The following PCDH15 variants were observed in gnomAD, a reference collection of about 807,000 sequenced individuals.
PCDH15 encodes protocadherin-15.
In PCDH15, 129 loss-of-function variants were observed where a neutral mutation model predicts 178.5. The observed-to-expected ratio is 0.72, with a 90% CI of 0.63 to 0.84. PCDH15 has a LOEUF of 0.84. PCDH15 is among the 40% of genes least tolerant of loss of function. The probability of loss-of-function intolerance (pLI) is 0.00; values close to 1 mark genes in which losing one functional copy is unlikely to be tolerated. For synonymous variants in PCDH15, 800 were observed against 732.0 expected, an observed-to-expected ratio of 1.09 and a Z score of -1.50; for missense variants, 2,230 against 2,099.9, an observed-to-expected ratio of 1.06 and a Z score of -1.21.
intron 21 of PCDH15, among the ~76,000 whole-genome samples, chr10:53,984,509 C>A (rs898041861): frequency 2.6e-5 from 4 of 152,040 alleles, no homozygotes; most frequent in Admixed American, 2.6e-4. Flanking sequence ...GGCTTGGAAC[C>A]ATGACAGTTT....
intron 2 of PCDH15, among the ~76,000 whole-genome samples, chr10:54,637,768 G>T (rs1045217690): frequency 1.3e-5 from 2 of 151,952 alleles, no homozygotes; most frequent in African/African-American, 4.8e-5. Flanking sequence ...TTATTATTCT[G>T]TTTATCCCAA....
chr10:55,422,563 A>T (rs1838649154), intron 2 of PCDH15, among the ~76,000 whole-genome samples: 2 of 151,896 alleles, frequency 1.3e-5, no homozygotes, highest in African/African-American at 4.8e-5. Context: ...AACATGTCTC[A>T]TAACTAATTT....
intron 2 of PCDH15, among the ~76,000 whole-genome samples, chr10:55,143,201 C>T (rs1384351558): frequency 3.0e-4 from 4 of 13,140 alleles, no homozygotes; most frequent in Non-Finnish European, 2.0e-3. Flanking sequence ...GTCAATTAAA[C>T]CTTTTTTTTT....
At position 53,866,693 on chromosome 10, in the gene PCDH15, A is replaced by G. The variant is rs762138321; in HGVS notation, c.3666T>C (p.Val1222=). The part of the protein sequence containing the change: ...NMRRSYFKFQ[V]IATDDYGKGL... Reference sequence around the variant, plus strand: ...CCTTCCCATAGTCGTCAGTTGCAATAACTTGAAACTTGAAGTAGGATCTCC... The same window carrying G: ...CCTTCCCATAGTCGTCAGTTGCAATGACTTGAAACTTGAAGTAGGATCTCC... The change falls in exon 27 of 38, where the codon GTT becomes GTC. Residue 1222 remains valine, a synonymous_variant. Coordinates refer to ENST00000644397, the MANE Select transcript of PCDH15 (RefSeq NM_001384140.1). The G allele has an allele frequency of 6.2e-7, 1 of 1,613,598 alleles. No individual in the cohort carries two copies.
chr10:55,167,641 A>G (rs944511343), intron 1 of PCDH15, among the ~76,000 whole-genome samples: 12 of 152,142 alleles, frequency 7.9e-5, no homozygotes, highest in African/African-American at 2.9e-4. Flanking sequence ...ACATGTCTCA[A>G]TTATTCACAT....
chr10:55,404,372 A>G (rs1051039156), intron 2 of PCDH15, among the ~76,000 whole-genome samples: 6 of 152,064 alleles, frequency 3.9e-5, no homozygotes, highest in South Asian at 2.1e-4. Context: ...GGAAAACGCT[A>G]TTATCCTGTG....
At chr10:55,261,490 T>C (rs1300751553) in intron 1 of PCDH15, among the ~76,000 whole-genome samples, 1 of 152,184 alleles carries the variant, frequency 6.6e-6, no homozygotes, top group African/African-American at 2.4e-5. Flanking sequence ...AGATTCACTA[T>C]GTTATACCAA....
intron 1 of PCDH15, among the ~76,000 whole-genome samples, chr10:54,698,073 C>T (rs1414014350): frequency 3.9e-5 from 6 of 151,962 alleles, no homozygotes; most frequent in African/African-American, 1.4e-4. Flanking sequence ...CCATGTTTAT[C>T]TGAAATGACT....
chr10:55,474,254 G>A (rs1234200652), intron 2 of PCDH15, among the ~76,000 whole-genome samples: 1 of 152,110 alleles, frequency 6.6e-6, no homozygotes, highest in African/African-American at 2.4e-5. Context: ...TATTTCAGGA[G>A]GTCAGAGATC....
chr10:54,144,312 G>A lies in PCDH15; in HGVS notation c.1784+8788C>T, dbSNP rs183264318. On this transcript the variant is annotated intron_variant, in intron 14 of 37. Coordinates refer to ENST00000644397, the MANE Select transcript of PCDH15 (RefSeq NM_001384140.1). The stretch of plus-strand genomic sequence containing the variant: ...AAACAGTCCCATAGATCACTTTTTC[G>A]ATAAACATAGAAATTGACCCTTCTG... Among the ~76,000 whole-genome samples the A allele has an allele frequency of 6.6e-5, 10 of 152,124 alleles. No homozygotes were observed. In the East Asian group the frequency reaches 1.2e-3, roughly 18 times the overall value.
Position 54,664,343 on chromosome 10 carries a change from T to C in PCDH15, c.-28-53A>G, listed in dbSNP as rs568143764. 62 of 1,122,092 alleles carry C rather than the reference T, an allele frequency of 5.5e-5. No homozygotes were observed. In the African/African-American group the frequency reaches 7.1e-4, roughly 13 times the overall value. The allele number at this position is 1,122,092 out of a possible 1,614,324, so 69.5% of individuals were successfully genotyped here. A position where few individuals can be genotyped will look rare whatever the true frequency, so the allele number is the denominator to read the frequency against. ...ATTTGACATGTTCATTAATCTGTTA[T>C]AGGTAAACACAATTGTCACAGCACA... On this transcript the variant is annotated intron_variant, in intron 1 of 37. Transcript: ENST00000644397.
intron 1 of PCDH15, among the ~76,000 whole-genome samples, chr10:55,181,734 C>T (rs1839654338): frequency 6.6e-6 from 1 of 151,804 alleles, no homozygotes; most frequent in Non-Finnish European, 1.5e-5. Context: ...AAAAAGAGGC[C>T]TAATGAGATG....
intron 3 of PCDH15, among the ~76,000 whole-genome samples, chr10:54,386,138 G>A (rs1184911502): frequency 9.9e-5 from 13 of 131,088 alleles, no homozygotes; most frequent in Non-Finnish European, 2.2e-4. Context: ...GTGTGTGTGT[G>A]TGTGTAGACT....
At position 54,238,677 on chromosome 10, in the gene PCDH15, TCACACACACA is replaced by T. The variant is rs71476326; in HGVS notation, c.877-1756_877-1747del. Reference sequence around the variant, plus strand: ...CATGCTGCCTCTCTCTCTCTCTCTCTCACACACACACACACACACACACACACACACACAC... The same window carrying T: ...CATGCTGCCTCTCTCTCTCTCTCTCTCACACACACACACACACACACACAC... On this transcript the variant is annotated intron_variant, in intron 8 of 37. Transcript: ENST00000644397. Among the ~76,000 whole-genome samples the T allele has an allele frequency of 2.7e-3, 391 of 144,354 alleles. 2 individuals carry two copies. The highest frequency in any genetic ancestry group is 8.8e-3 in the African/African-American group (327 of 37,332). 94.7% of individuals were successfully genotyped at this position (144,354 alleles called of 152,430 possible).
At chr10:53,865,639 C>T (rs996171071) in intron 27 of PCDH15, among the ~76,000 whole-genome samples, 1 of 152,090 alleles carries the variant, frequency 6.6e-6, no homozygotes, top group East Asian at 1.9e-4. Flanking sequence ...CTTAGAGTGG[C>T]CTTCATTTAC....
rs543395720 is a variant in PCDH15 at position 55,473,249 on chromosome 10, A to C, written c.-156+154376T>G. Among the ~76,000 whole-genome samples the C allele has an allele frequency of 2.4e-3, 365 of 152,268 alleles. 3 individuals carry two copies. Among genetic ancestry groups the C allele is most frequent in the South Asian group, 7.0e-3 (34 of 4,826 alleles). ...ATCTAAGAAAGTGTAATTTTGACCT[A>C]CTACAGCTATAGCTTTCTTTTTTAT... On this transcript the variant is annotated intron_variant, in intron 2 of 5. Transcript: ENST00000613346.
intron 2 of PCDH15, among the ~76,000 whole-genome samples, chr10:54,944,923 T>C (rs1281809597): frequency 6.6e-6 from 1 of 151,826 alleles, no homozygotes. Flanking sequence ...TTTTTTCAAT[T>C]TGTTTTTATT....
At chr10:54,901,179 C>G (rs777031854) in intron 2 of PCDH15, among the ~76,000 whole-genome samples, 1 of 151,944 alleles carries the variant, frequency 6.6e-6, no homozygotes, top group Non-Finnish European at 1.5e-5. Context: ...GGTGTGGTGG[C>G]GTCTGTATGC....
chr10:54,772,983 A>G (rs1949273036), intron 1 of PCDH15, among the ~76,000 whole-genome samples: 1 of 152,168 alleles, frequency 6.6e-6, no homozygotes, highest in African/African-American at 2.4e-5. Flanking sequence ...ATGGAGCTGG[A>G]AGCCATTATC....
Sources: gnomAD v4.1 joint callset for allele counts (sites outside exome capture counted in the v4.1 genomes callset) on GRCh38, gnomAD v4.1.1 for gene constraint, MANE v1.5 for transcripts, NCBI Gene and HGNC (gene_info 2026-07-23, HGNC 2026-07-21) for gene names.